The following GPC6 variants were observed in gnomAD, a reference collection of about 807,000 sequenced individuals.
The protein encoded by GPC6 is glypican-6.
In GPC6, 14 loss-of-function variants were observed where a neutral mutation model predicts 55.2. The ratio of observed to expected loss-of-function variants is 0.25; its 90% confidence interval spans 0.17 to 0.40. The LOEUF is 0.40. Among genes scored for constraint, GPC6 ranks in the 10% least tolerant of loss-of-function variants. The probability of loss-of-function intolerance (pLI) is 1.00; values close to 1 mark genes in which losing one functional copy is unlikely to be tolerated. For synonymous variants in GPC6, 278 were observed against 259.6 expected, an observed-to-expected ratio of 1.07 and a Z score of -0.68; for missense variants, 641 against 708.5, an observed-to-expected ratio of 0.90 and a Z score of 1.08.
chr13:93,636,252 C>T (rs932504151), intron 2 of GPC6, among the ~76,000 whole-genome samples: 9 of 152,064 alleles, frequency 5.9e-5, no homozygotes, highest in Middle Eastern at 3.2e-3. Context: ...TGTGCTCAGA[C>T]GTCATTGGAG....
chr13:93,386,225 G>A (rs1875397131), intron 1 of GPC6, among the ~76,000 whole-genome samples: 1 of 152,132 alleles, frequency 6.6e-6, no homozygotes, highest in South Asian at 2.1e-4. Context: ...AGCTGTCATG[G>A]AAAATGTATC....
chr13:93,764,633 C>T (rs984204305), intron 2 of GPC6, among the ~76,000 whole-genome samples: 3 of 151,084 alleles, frequency 2.0e-5, no homozygotes, highest in African/African-American at 4.9e-5. Context: ...ACAAAGGCCA[C>T]CTATAACCAT....
chr13:94,379,612 T>A (rs1880067067), intron 6 of GPC6, among the ~76,000 whole-genome samples: 1 of 152,188 alleles, frequency 6.6e-6, no homozygotes, highest in Non-Finnish European at 1.5e-5. Context: ...TATGACCTTG[T>A]AATAGAATGG....
chr13:94,123,696 T>C (rs1886713418), intron 4 of GPC6, among the ~76,000 whole-genome samples: 1 of 152,016 alleles, frequency 6.6e-6, no homozygotes, highest in Admixed American at 6.6e-5. Flanking sequence ...CACGCATATG[T>C]TTGTATTTGA....
intron 4 of GPC6, among the ~76,000 whole-genome samples, chr13:94,144,937 A>G (rs191483809): frequency 2.0e-5 from 3 of 152,206 alleles, no homozygotes; most frequent in Non-Finnish European, 4.4e-5. Flanking sequence ...CAGGGGAATC[A>G]AATATTTATA....
chr13:94,402,533 G>A (rs1456569133), intron 8 of GPC6, among the ~76,000 whole-genome samples: 2 of 152,140 alleles, frequency 1.3e-5, no homozygotes, highest in Admixed American at 6.5e-5. Flanking sequence ...CCATGGATGG[G>A]GAGATTTTGC....
At chr13:93,993,295 CTTT>C (rs545224527) in intron 3 of GPC6, among the ~76,000 whole-genome samples, 3 of 139,850 alleles carry the variant, frequency 2.1e-5, no homozygotes. Flanking sequence ...TTCTTTCTTT[CTTT>C]TTTTTTTTTT....
intron 2 of GPC6, among the ~76,000 whole-genome samples, chr13:93,790,085 A>G (rs1213559976): frequency 6.6e-6 from 1 of 152,164 alleles, no homozygotes; most frequent in Non-Finnish European, 1.5e-5. Context: ...ACCATAACAG[A>G]ATGTCAGTTA....
At chr13:93,324,587 CAT>C (rs34871661) in intron 1 of GPC6, among the ~76,000 whole-genome samples, 7,798 of 122,722 alleles carry the variant, frequency 0.064, 266 homozygotes, top group African/African-American at 0.1. Flanking sequence ...CACATACATA[CAT>C]ATATATATAT....
chr13:94,006,485 G>A (rs916636210), intron 3 of GPC6, among the ~76,000 whole-genome samples: 25 of 152,296 alleles, frequency 1.6e-4, no homozygotes, highest in African/African-American at 5.5e-4. Context: ...CAAGAATGTG[G>A]TGTGTGTCAT....
At chr13:93,601,095 G>A (rs148242259) in intron 2 of GPC6, among the ~76,000 whole-genome samples, 4 of 151,510 alleles carry the variant, frequency 2.6e-5, no homozygotes, top group African/African-American at 9.7e-5. Flanking sequence ...GAGCTTAAAA[G>A]AATTAAAACA....
chr13:93,796,869 T>A (rs1000442093), intron 2 of GPC6, among the ~76,000 whole-genome samples: 8 of 82,262 alleles, frequency 9.7e-5, no homozygotes, highest in Non-Finnish European at 1.5e-4. Context: ...TGATGCACAA[T>A]CTTAATTTAA....
intron 1 of GPC6, among the ~76,000 whole-genome samples, chr13:93,261,925 T>TACACAC (rs34841808): frequency 0.012 from 1,748 of 144,596 alleles, 17 homozygotes; most frequent in African/African-American, 0.016. Flanking sequence ...TCTCTCCCTC[T>TACACAC]ACACACACAC....
At chr13:93,406,577 T>A (rs182929113) in intron 1 of GPC6, among the ~76,000 whole-genome samples, 9 of 152,332 alleles carry the variant, frequency 5.9e-5, no homozygotes, top group African/African-American at 2.2e-4. Flanking sequence ...TATGTGTGTT[T>A]TAGTAGACTA....
chr13:93,783,090 C>G (rs36020428), intron 2 of GPC6, among the ~76,000 whole-genome samples: 24 of 152,146 alleles, frequency 1.6e-4, no homozygotes, highest in Non-Finnish European at 2.6e-4. Context: ...TTCTCTTCCT[C>G]TGTTAGTTTG....
chr13:94,048,965 A>G (rs1883835068), intron 4 of GPC6, among the ~76,000 whole-genome samples: 1 of 151,952 alleles, frequency 6.6e-6, no homozygotes, highest in Non-Finnish European at 1.5e-5. Flanking sequence ...CATTGTCACC[A>G]TGTGCCATGG....
At chr13:93,819,018 A>G (rs1011928119) in intron 2 of GPC6, among the ~76,000 whole-genome samples, 5 of 152,176 alleles carry the variant, frequency 3.3e-5, no homozygotes, top group African/African-American at 4.8e-5. Flanking sequence ...TATACAAGAT[A>G]TACTGGTACC....
chr13:93,855,557 G>A (rs1888573637), intron 3 of GPC6, among the ~76,000 whole-genome samples: 1 of 151,614 alleles, frequency 6.6e-6, no homozygotes, highest in African/African-American at 2.4e-5. Context: ...GAGCAAGAAT[G>A]CAGGATAGTA....
chr13:94,114,548 A>G (rs538891853), intron 4 of GPC6, among the ~76,000 whole-genome samples: 3 of 152,252 alleles, frequency 2.0e-5, no homozygotes, highest in African/African-American at 7.2e-5. Flanking sequence ...GGTTCTGTCT[A>G]AAAAATACAG....
Sources: allele counts gnomAD v4.1 joint callset (sites outside exome capture counted in the v4.1 genomes callset), GRCh38; gene constraint gnomAD v4.1.1; transcripts MANE v1.5; gene names NCBI Gene and HGNC (gene_info 2026-07-23, HGNC 2026-07-21).